ADPRS: variants seen among roughly 807,000 people sequenced by gnomAD.
ADPRS encodes the protein ADP-ribosylserine hydrolase, also known as ADP-ribosylhydrolase ARH3.
In ADPRS, 25 loss-of-function variants were observed where a neutral mutation model predicts 32.1. The ratio of observed to expected loss-of-function variants is 0.78; its 90% CI spans 0.57 to 1.09. The LOEUF is 1.09. Ranked by LOEUF, ADPRS falls within the 50% of genes least tolerant of loss-of-function variation. The pLI, the probability that ADPRS is intolerant of heterozygous loss-of-function variation, is 0.00. For synonymous variants in ADPRS, 225 were observed against 201.0 expected, an observed-to-expected ratio of 1.12 and a Z score of -1.01; for missense variants, 482 against 480.6, an observed-to-expected ratio of 1.00 and a Z score of -0.03.
intron 1 of ADPRS, among the ~76,000 whole-genome samples, 163 bp downstream of exon 1, chr1:36,089,278 G>T (rs936706051): frequency 1.1e-4 from 17 of 152,246 alleles, no homozygotes; most frequent in African/African-American, 4.1e-4. Context: ...GCGAGTGCCA[G>T]TGCGATCTCC....
intron 2 of ADPRS, 99 bp downstream of exon 2, chr1:36,091,439 C>A: frequency 7.7e-7 from 1 of 1,304,398 alleles, no homozygotes; most frequent in Non-Finnish European, 1.1e-6. Context: ...GCCCCCAACC[C>A]TCCACAGAAG....
At position 36,092,443 on chromosome 1, in the gene ADPRS, A is replaced by T. The variant is rs747520525; in HGVS notation, c.723A>T (p.Pro241=). 11 of 1,614,062 alleles carry T rather than the reference A, an allele frequency of 6.8e-6. No individual in the cohort carries two copies. Among genetic ancestry groups the T allele is most frequent in the African/African-American group, 1.3e-5 (1 of 74,932 alleles). ...ACAGGTTGGGCATGGAGGAGCGTCCATACTCCAGCCGCCTGAAGAAGATTG... is the reference window on the plus strand; with the variant it reads ...ACAGGTTGGGCATGGAGGAGCGTCCTTACTCCAGCCGCCTGAAGAAGATTG... ...DARELGMEER[P]YSSRLKKIGE... The change falls in exon 5 of 6, where the codon CCA becomes CCT. Residue 241 remains proline, a synonymous_variant. Transcript: ENST00000373178.
Position 36,091,285 on chromosome 1 carries a change from C to G in ADPRS, c.253C>G (p.Leu85Val), listed in dbSNP as rs1383606251. Reference sequence around the variant, plus strand: ...AGATGACACAGCCATGGCCAGGGCCCTGGTGCAGTCCCTGCTAGCCAAGGA... The same window carrying G: ...AGATGACACAGCCATGGCCAGGGCCGTGGTGCAGTCCCTGCTAGCCAAGGA... ...YTDDTAMARALVQSLLAKEAF... is the reference protein window; with the variant it reads ...YTDDTAMARAVVQSLLAKEAF... Residue 85 changes from leucine to valine, a missense_variant, in exon 2 of 6, where the codon CTG becomes GTG. Leu to Val is a conservative substitution (Grantham distance 32). Coordinates refer to ENST00000373178, the MANE Select transcript of ADPRS (RefSeq NM_017825.3). 1 of 1,614,240 alleles carries G rather than the reference C, an allele frequency of 6.2e-7. No homozygotes were observed. The highest frequency in any genetic ancestry group is 1.1e-5 in the South Asian group (1 of 91,080).
intron 1 of ADPRS, among the ~76,000 whole-genome samples, chr1:36,089,656 C>T (rs1342729135): frequency 6.6e-6 from 1 of 152,168 alleles, no homozygotes; most frequent in African/African-American, 2.4e-5. Context: ...GCGTCCTCCC[C>T]TGCCTAAAAC....
At position 36,092,373 on chromosome 1, in the gene ADPRS, C is replaced by T. The variant is rs747360712; in HGVS notation, c.702-49C>T. 6.3e-6 allele frequency: 10 copies of T among 1,582,404 alleles called. No individual in the cohort carries two copies. The South Asian group carries it at 6.7e-5, about 11-fold the overall frequency. ...CATGCAGCCCTCTCCCCTGCCCGCGCCACCACCCTGCTAGCTCTGACCTCC... is the reference window on the plus strand; with the variant it reads ...CATGCAGCCCTCTCCCCTGCCCGCGTCACCACCCTGCTAGCTCTGACCTCC... On this transcript the variant is annotated intron_variant, in intron 4 of 5. Transcript: ENST00000373178.
intron 1 of ADPRS, among the ~76,000 whole-genome samples, chr1:36,090,679 C>CAAAA (rs10625386): frequency 0.071 from 4,642 of 65,314 alleles, 1,704 homozygotes; most frequent in South Asian, 0.13. Flanking sequence ...TCCATCTCTA[C>CAAAA]AAAAAAAAAA....
At chr1:36,091,007 C>CA (rs1455161978) in intron 1 of ADPRS, among the ~76,000 whole-genome samples, 2 of 151,670 alleles carry the variant, frequency 1.3e-5, no homozygotes, top group Non-Finnish European at 2.9e-5. Context: ...CCTGTCTCTA[C>CA]AAAAAAATAA....
Position 36,093,667 on chromosome 1 carries a change from G to A in ADPRS, c.*281G>A. ...GACGCAGGCGGGTTTATTTTGGAGGGGTACTTGTGGCATTTTCCTGTATTG... is the reference window on the plus strand; with the variant it reads ...GACGCAGGCGGGTTTATTTTGGAGGAGTACTTGTGGCATTTTCCTGTATTG... On this transcript the variant is annotated 3_prime_UTR_variant, in exon 6 of 6. Coordinates refer to ENST00000373178, the MANE Select transcript of ADPRS (RefSeq NM_017825.3). 2.4e-6 allele frequency: 1 copy of A among 421,810 alleles called. No homozygotes were observed. The highest frequency in any genetic ancestry group is 4.1e-5 in the South Asian group (1 of 24,572). 26.1% of individuals were successfully genotyped at this position (421,810 alleles called of 1,614,324 possible). A position where few individuals can be genotyped will look rare whatever the true frequency, so the allele number is the denominator to read the frequency against.
chr1:36,091,408 A>G, intron 2 of ADPRS, 68 bp downstream of exon 2: 1 of 1,486,908 alleles, frequency 6.7e-7, no homozygotes, highest in Non-Finnish European at 9.3e-7. Context: ...GACCAGAGGA[A>G]TGACATTTGT....
intron 5 of ADPRS, 96 bp from the exon 6 acceptor site, chr1:36,092,988 GAGCCTGAGATCTT>G: frequency 8.4e-7 from 1 of 1,196,546 alleles, no homozygotes; most frequent in Non-Finnish European, 1.2e-6. Context: ...TCTAACTGTA[GAGCCTGAGATCTT>G]AGTCACAGCC....
intron 5 of ADPRS, 72 bp downstream of exon 5, chr1:36,092,594 T>A (rs370828661): frequency 7.0e-7 from 1 of 1,428,300 alleles, no homozygotes. Flanking sequence ...CAGGGGAGCA[T>A]GGAGTCATGC....
Position 36,092,506 on chromosome 1 carries a change from A to T in ADPRS, c.786A>T (p.Glu262Asp). The T allele has an allele frequency of 1.2e-6, 2 of 1,614,098 alleles. No individual in the cohort carries two copies. Among genetic ancestry groups the T allele is most frequent in the South Asian group, 2.2e-5 (2 of 91,078 alleles). Residue 262 changes from glutamate to aspartate, a missense_variant, in exon 5 of 6, where the codon GAA becomes GAT. Coordinates refer to ENST00000373178, the MANE Select transcript of ADPRS (RefSeq NM_017825.3). ...LLDQASVTREEVVSELGNGIA... is the reference protein window; with the variant it reads ...LLDQASVTREDVVSELGNGIA... ...ACCAGGCATCGGTGACCAGGGAGGA[A>T]GTGGTGTCTGAGCTAGGTGAGTGGG...
intron 1 of ADPRS, among the ~76,000 whole-genome samples, chr1:36,089,329 G>T (rs1006606335): frequency 6.6e-6 from 1 of 152,246 alleles, no homozygotes; most frequent in Non-Finnish European, 1.5e-5. Context: ...CGTGCTCGGG[G>T]CGTGGCAGCA....
At position 36,092,212 on chromosome 1, in the gene ADPRS, G is replaced by A. The variant is rs551436180; in HGVS notation, c.701+118G>A. On this transcript the variant is annotated intron_variant, in intron 4 of 5. Coordinates refer to ENST00000373178, the MANE Select transcript of ADPRS (RefSeq NM_017825.3). ...AGACCCTAGGGAGGCATGGGCAGAA[G>A]CCCCTTTATCTTGTCTATGTTTCAA... 9 of 1,376,034 alleles carry A rather than the reference G, an allele frequency of 6.5e-6. No homozygotes were observed. The South Asian group carries it at 1.2e-4, about 18-fold the overall frequency. The allele number at this position is 1,376,034 out of a possible 1,614,324, so 85.2% of individuals were successfully genotyped here.
Position 36,093,119 on chromosome 1 carries a change from G to A in ADPRS, c.825G>A (p.Glu275=). 4 of 1,614,126 alleles carry A rather than the reference G, an allele frequency of 2.5e-6. No homozygotes were observed. The highest frequency in any genetic ancestry group is 3.4e-6 in the Non-Finnish European group (4 of 1,180,008). Residue 275 remains glutamate, a synonymous_variant, in exon 6 of 6, where the codon GAG becomes GAA. Coordinates refer to ENST00000373178, the MANE Select transcript of ADPRS (RefSeq NM_017825.3). ...CAGGGAATGGCATTGCTGCCTTTGA[G>A]TCGGTACCCACCGCCATCTACTGCT... The part of the protein sequence containing the change: ...SELGNGIAAF[E]SVPTAIYCFL...
chr1:36,092,203 T>C, intron 4 of ADPRS, 109 bp downstream of exon 4: 9 of 1,409,498 alleles, frequency 6.4e-6, no homozygotes, highest in Non-Finnish European at 8.6e-6. Context: ...TAGGGAGGCA[T>C]GGGCAGAAGC....
chr1:36,089,150 G>C, intron 1 of ADPRS, 35 bp downstream of exon 1: 3 of 1,387,140 alleles, frequency 2.2e-6, no homozygotes, highest in Non-Finnish European at 1.9e-6. Flanking sequence ...GAGGCCGTGC[G>C]GGAGGGAGGC....
Sources: gnomAD v4.1 joint callset for allele counts (sites outside exome capture counted in the v4.1 genomes callset) on GRCh38, gnomAD v4.1.1 for gene constraint, MANE v1.5 for transcripts, NCBI Gene and HGNC (gene_info 2026-07-23, HGNC 2026-07-21) for gene names.